Variants in ABLIM1 observed in about 807,000 individuals in gnomAD.
ABLIM1 encodes actin-binding LIM protein 1.
ABLIM1 carries 40 observed loss-of-function variants against 107.0 expected under a neutral mutation model. That is an observed-to-expected ratio of 0.37 (90% CI 0.29 to 0.49). The LOEUF (loss-of-function observed/expected upper bound fraction) is 0.49. Ranked by LOEUF, ABLIM1 falls within the 20% of genes least tolerant of loss-of-function variation. The probability of loss-of-function intolerance (pLI) is 0.97; values close to 1 mark genes in which losing one functional copy is unlikely to be tolerated. For missense variants in ABLIM1, 857 were observed against 1,008.5 expected, an observed-to-expected ratio of 0.85 and a Z score of 2.04; for synonymous variants, 357 against 357.3, an observed-to-expected ratio of 1.00 and a Z score of 0.01.
Position 114,561,380 on chromosome 10 carries a change from C to T in ABLIM1, c.673+9917G>A, listed in dbSNP as rs571122539. Among the ~76,000 whole-genome samples the T allele has an allele frequency of 1.0e-3, 156 of 152,272 alleles. 1 individual carries two copies. The highest frequency in any genetic ancestry group is 1.7e-3 in the Non-Finnish European group (114 of 68,026). On this transcript the variant is annotated intron_variant, in intron 4 of 22. Transcript: ENST00000533213. ...GGCTGAAGGTCACAGCAAGGGCAGG[C>T]GTCAGCAAGACTTTGGAATGAATCT... is the stretch of plus-strand genomic sequence containing the variant.
At chr10:114,498,753 A>C (rs2060013068) in intron 6 of ABLIM1, among the ~76,000 whole-genome samples, 1 of 152,252 alleles carries the variant, frequency 6.6e-6, no homozygotes, top group South Asian at 2.1e-4. Flanking sequence ...ACCCAAGCTC[A>C]GGCAAACATG....
At chr10:114,465,963 A>C in intron 11 of ABLIM1, 136 bp from the exon 12 acceptor site, 1 of 1,052,168 alleles carries the variant, frequency 9.5e-7, no homozygotes, top group Non-Finnish European at 1.3e-6. Context: ...TTTTATGTGC[A>C]AATTTTGCAG....
chr10:114,682,621 C>A (rs1789356696), intron 1 of ABLIM1, among the ~76,000 whole-genome samples: 1 of 152,214 alleles, frequency 6.6e-6, no homozygotes, highest in Admixed American at 6.5e-5. Context: ...TTGCCAACTT[C>A]CAATTTAATT....
intron 1 of ABLIM1, among the ~76,000 whole-genome samples, chr10:114,623,099 A>G (rs2077570062): frequency 6.6e-6 from 1 of 152,138 alleles, no homozygotes; most frequent in African/African-American, 2.4e-5. Context: ...AGCTGAGACT[A>G]CAGGCATGCA....
chr10:114,721,043 C>T (rs550470588), intron 1 of ABLIM1, among the ~76,000 whole-genome samples: 1 of 152,354 alleles, frequency 6.6e-6, no homozygotes, highest in East Asian at 1.9e-4. Context: ...TCAAATGTCA[C>T]TGATTACTAC....
chr10:114,445,817 CTGG>C (rs2060930782), intron 15 of ABLIM1, among the ~76,000 whole-genome samples: 1 of 152,186 alleles, frequency 6.6e-6, no homozygotes, highest in South Asian at 2.1e-4. Flanking sequence ...GTTGCCCAGG[CTGG>C]AGTACAGTGA....
At chr10:114,493,936 C>A (rs1369225463) in intron 6 of ABLIM1, among the ~76,000 whole-genome samples, 2 of 152,154 alleles carry the variant, frequency 1.3e-5, no homozygotes, top group Non-Finnish European at 2.9e-5. Flanking sequence ...TAAATGCACA[C>A]ACAAAAAATA....
chr10:114,513,173 T>C (rs957348337), intron 6 of ABLIM1, among the ~76,000 whole-genome samples: 5 of 152,178 alleles, frequency 3.3e-5, no homozygotes, highest in African/African-American at 1.2e-4. Context: ...ATTTTTCAGG[T>C]ACAACAATCT....
intron 1 of ABLIM1, among the ~76,000 whole-genome samples, chr10:114,765,803 G>A (rs1276236207): frequency 6.6e-6 from 1 of 151,964 alleles, no homozygotes; most frequent in Admixed American, 6.6e-5. Context: ...GAAATAGGAA[G>A]AAAAAACTAG....
At chr10:114,748,379 A>T (rs959354612) in intron 1 of ABLIM1, among the ~76,000 whole-genome samples, 2 of 152,176 alleles carry the variant, frequency 1.3e-5, no homozygotes, top group African/African-American at 4.8e-5. Context: ...GGAAGAGAGC[A>T]GTTCAATTTT....
chr10:114,747,936 A>G (rs146615428), intron 1 of ABLIM1, among the ~76,000 whole-genome samples: 8,091 of 152,254 alleles, frequency 0.053, 325 homozygotes, highest in African/African-American at 0.11. Context: ...GCTACTTGGG[A>G]GGCTGAGGCA....
chr10:114,464,540 C>G (rs12573832), intron 12 of ABLIM1, among the ~76,000 whole-genome samples: 2 of 151,854 alleles, frequency 1.3e-5, no homozygotes, highest in African/African-American at 4.8e-5. Flanking sequence ...TCGGGACTCA[C>G]GTCCTGGGCA....
chr10:114,565,053 C>T (rs577878106), intron 4 of ABLIM1, among the ~76,000 whole-genome samples: 1 of 152,310 alleles, frequency 6.6e-6, no homozygotes, highest in African/African-American at 2.4e-5. Context: ...TTCTCAAGGT[C>T]ACATATCCTT....
At chr10:114,668,593 C>T (rs748277138) in intron 1 of ABLIM1, among the ~76,000 whole-genome samples, 3 of 152,118 alleles carry the variant, frequency 2.0e-5, no homozygotes, top group Non-Finnish European at 2.9e-5. Context: ...CCACCTAAGC[C>T]GTATAGGTAG....
upstream of ABLIM1, among the ~76,000 whole-genome samples, chr10:114,686,417 G>A (rs112354041): frequency 0.017 from 2,641 of 151,894 alleles, 69 homozygotes; most frequent in African/African-American, 0.061. Context: ...GGAGGCTGAG[G>A]CAGGAGGATT....
At chr10:114,543,925 T>G (rs2066998621) in intron 6 of ABLIM1, among the ~76,000 whole-genome samples, 1 of 152,230 alleles carries the variant, frequency 6.6e-6, no homozygotes, top group Non-Finnish European at 1.5e-5. Context: ...TGCAATCAGC[T>G]GCCCACGTCC....
the ABLIM1 span, among the ~76,000 whole-genome samples, chr10:114,774,058 T>C: frequency 6.6e-6 from 1 of 150,892 alleles, no homozygotes; most frequent in Non-Finnish European, 1.5e-5. Flanking sequence ...TTAGTGAAAC[T>C]AAGAAAAAAA....
chr10:114,748,029 T>C (rs1376762194), intron 1 of ABLIM1, among the ~76,000 whole-genome samples: 3 of 152,238 alleles, frequency 2.0e-5, no homozygotes, highest in African/African-American at 7.2e-5. Flanking sequence ...GATAGAGCGA[T>C]ACTTCATCTC....
intron 21 of ABLIM1, among the ~76,000 whole-genome samples, 157 bp from the exon 22 acceptor site, chr10:114,438,081 C>T (rs577867730): frequency 1.3e-5 from 2 of 152,282 alleles, no homozygotes; most frequent in Admixed American, 6.5e-5. Context: ...CCAGTGGAAG[C>T]TCCAGTTTCC....
Sources: gnomAD v4.1 joint callset for allele counts (sites outside exome capture counted in the v4.1 genomes callset) on GRCh38, gnomAD v4.1.1 for gene constraint, MANE v1.5 for transcripts, NCBI Gene and HGNC (gene_info 2026-07-23, HGNC 2026-07-21) for gene names.